PTPRT: variants seen among roughly 807,000 people sequenced by gnomAD.
PTPRT encodes the protein protein tyrosine phosphatase receptor type T.
PTPRT carries 56 observed loss-of-function variants against 176.8 expected under a neutral mutation model. That is an observed-to-expected ratio of 0.32 (90% CI 0.26 to 0.40). The LOEUF is 0.40. Ranked by LOEUF, PTPRT falls within the 10% of genes least tolerant of loss-of-function variation. PTPRT has a pLI of 1.00. For missense variants in PTPRT, 1,540 were observed against 1,908.2 expected, an observed-to-expected ratio of 0.81 and a Z score of 3.60; for synonymous variants, 783 against 739.0, an observed-to-expected ratio of 1.06 and a Z score of -0.96.
intron 1 of PTPRT, among the ~76,000 whole-genome samples, chr20:42,950,071 C>T (rs1981142960): frequency 6.6e-6 from 1 of 152,160 alleles, no homozygotes; most frequent in Non-Finnish European, 1.5e-5. Flanking sequence ...AGCGGTACTG[C>T]AAGTGTTATT....
chr20:42,663,085 T>C (rs8115740), intron 7 of PTPRT, among the ~76,000 whole-genome samples: 11,973 of 151,972 alleles, frequency 0.079, 525 homozygotes, highest in South Asian at 0.16. Flanking sequence ...CAAGGGCAGA[T>C]AGGTTAAAAT....
intron 9 of PTPRT, among the ~76,000 whole-genome samples, chr20:42,409,634 A>C (rs946726276): frequency 1.3e-5 from 2 of 152,072 alleles, no homozygotes; most frequent in African/African-American, 4.8e-5. Context: ...TTGTGTCTCT[A>C]TTTTGTTTCT....
intron 1 of PTPRT, among the ~76,000 whole-genome samples, chr20:43,182,684 C>T (rs545838156): frequency 6.6e-6 from 1 of 152,128 alleles, no homozygotes; most frequent in East Asian, 1.9e-4. Flanking sequence ...AGCCACCACT[C>T]GCCCGGCCGT....
At position 42,075,991 on chromosome 20, in the gene PTPRT, C is replaced by T. The variant is rs141104357; in HGVS notation, c.*4888G>A. The stretch of plus-strand genomic sequence containing the variant: ...TCGGTTCTGAGTATTCACTGGGTTC[C>T]AGTTTCCTGGCCTTGCGTTCCTGTT... On this transcript the variant is annotated 3_prime_UTR_variant, in exon 31 of 31. Transcript: ENST00000373187. 63 of 223,670 alleles carry T rather than the reference C, an allele frequency of 2.8e-4. No homozygotes were observed. The highest frequency in any genetic ancestry group is 1.2e-3 in the African/African-American group (56 of 44,904). 13.9% of individuals were successfully genotyped at this position (223,670 alleles called of 1,614,324 possible).
chr20:42,479,737 A>T lies in PTPRT; in HGVS notation c.1154-7175T>A, dbSNP rs77437844. 7.8e-3 allele frequency among the ~76,000 whole-genome samples: 1,192 copies of T among 152,348 alleles called. 11 individuals are homozygous for T. Among genetic ancestry groups the T allele is most frequent in the Middle Eastern group, 0.014 (4 of 294 alleles). On this transcript the variant is annotated intron_variant, in intron 7 of 30. Transcript: ENST00000373187. ...CCAGCATGATGCTCAAAGGAAATGCACATGGGAATATTTCAAATTTCAGAT... is the reference window on the plus strand; with the variant it reads ...CCAGCATGATGCTCAAAGGAAATGCTCATGGGAATATTTCAAATTTCAGAT...
intron 17 of PTPRT, among the ~76,000 whole-genome samples, chr20:42,148,878 C>T (rs1280411491): frequency 2.0e-5 from 3 of 152,146 alleles, no homozygotes; most frequent in Non-Finnish European, 2.9e-5. Flanking sequence ...TCTGATCTTC[C>T]CTTCTTATAG....
At chr20:43,014,315 A>G (rs768723939) in intron 1 of PTPRT, among the ~76,000 whole-genome samples, 2 of 152,218 alleles carry the variant, frequency 1.3e-5, no homozygotes, top group African/African-American at 2.4e-5. Flanking sequence ...GGCAGATACT[A>G]TGAGGAACTA....
intron 6 of PTPRT, among the ~76,000 whole-genome samples, chr20:42,752,015 C>A (rs758598708): frequency 5.3e-5 from 8 of 152,134 alleles, no homozygotes; most frequent in Non-Finnish European, 1.2e-4. Context: ...CCAAATGTCC[C>A]CCAGTCCACA....
At chr20:42,672,528 C>T (rs906450802) in intron 7 of PTPRT, among the ~76,000 whole-genome samples, 19 of 152,298 alleles carry the variant, frequency 1.2e-4, no homozygotes, top group African/African-American at 4.6e-4. Context: ...ACTCATCTCT[C>T]AGCCATCTAA....
At chr20:43,001,481 AC>A (rs1416975619) in intron 1 of PTPRT, among the ~76,000 whole-genome samples, 3 of 125,518 alleles carry the variant, frequency 2.4e-5, no homozygotes, top group African/African-American at 7.9e-5. Context: ...CATAACAACA[AC>A]AAAAAAAAAA....
chr20:42,878,224 C>T (rs534279055), intron 2 of PTPRT, among the ~76,000 whole-genome samples: 2 of 152,206 alleles, frequency 1.3e-5, no homozygotes, highest in East Asian at 1.9e-4. Flanking sequence ...TGAAATAAAT[C>T]GTGGAACAGT....
rs780013814 is a variant in PTPRT at position 42,352,230 on chromosome 20, C to T, written c.1616G>A (p.Arg539Lys). Residue 539 changes from arginine (R) to lysine (K), a missense_variant, in exon 10 of 31, where the codon AGG (arginine) becomes AAG (lysine). Physicochemically the swap from Arg to Lys is conservative, Grantham distance 26. Transcript: ENST00000373187. ...ATTCCGGAGCTTGAACACTTTCCCC[C>T]TCTGGCTCGAGAGGTCAGCACTTGG... ...LDPSADLSSQ[R>K]GKVFKLRNET... 1.2e-6 allele frequency: 2 copies of T among 1,614,198 alleles called. No homozygotes were observed. The highest frequency in any genetic ancestry group is 4.5e-5 in the East Asian group (2 of 44,876).
At chr20:42,202,107 C>G (rs111877807) in intron 15 of PTPRT, among the ~76,000 whole-genome samples, 24,245 of 151,934 alleles carry the variant, frequency 0.16, 2,427 homozygotes, top group Non-Finnish European at 0.22. Flanking sequence ...GTAGCTGGGA[C>G]TACAGGTGTC....
chr20:42,276,553 ATATAT>A (rs1568731915), intron 13 of PTPRT, among the ~76,000 whole-genome samples: 2 of 77,390 alleles, frequency 2.6e-5, no homozygotes, highest in Non-Finnish European at 5.1e-5. Flanking sequence ...ATATATATAT[ATATAT>A]AATGTTCTTG....
chr20:42,687,380 A>G (rs1317229965), intron 6 of PTPRT: 1 of 152,236 alleles, frequency 6.6e-6, no homozygotes, highest in East Asian at 1.9e-4. Context: ...GCATAATTCA[A>G]TAACAACTTA....
intron 9 of PTPRT, among the ~76,000 whole-genome samples, chr20:42,358,832 T>C (rs2058392891): frequency 6.6e-6 from 1 of 152,202 alleles, no homozygotes; most frequent in South Asian, 2.1e-4. Context: ...TTTAATGGAT[T>C]TCATTTCCTT....
intron 2 of PTPRT, among the ~76,000 whole-genome samples, chr20:42,871,428 T>C (rs2078844921): frequency 6.6e-6 from 1 of 152,156 alleles, no homozygotes; most frequent in Non-Finnish European, 1.5e-5. Flanking sequence ...TTTCTCCCAT[T>C]CCACAGGTTG....
intron 3 of PTPRT, among the ~76,000 whole-genome samples, chr20:42,782,786 C>T (rs1012675378): frequency 2.6e-5 from 4 of 152,002 alleles, no homozygotes; most frequent in Middle Eastern, 3.2e-3. Context: ...AGTGTGAAAA[C>T]CTTGAAGTAG....
chr20:42,178,370 G>A (rs1003135178), intron 16 of PTPRT, among the ~76,000 whole-genome samples: 1 of 152,192 alleles, frequency 6.6e-6, no homozygotes, highest in Non-Finnish European at 1.5e-5. Flanking sequence ...CTTATGGGAT[G>A]TCAAAGCTTT....
Sources: gnomAD v4.1 joint callset for allele counts (sites outside exome capture counted in the v4.1 genomes callset) on GRCh38, gnomAD v4.1.1 for gene constraint, MANE v1.5 for transcripts, NCBI Gene and HGNC (gene_info 2026-07-23, HGNC 2026-07-21) for gene names.